Variants in KCTD8 observed in about 807,000 individuals in gnomAD.
KCTD8 encodes the protein potassium channel tetramerization domain containing 8, also known as BTB/POZ domain-containing protein KCTD8.
In KCTD8, 27 loss-of-function variants were observed where a neutral mutation model predicts 31.5. The ratio of observed to expected loss-of-function variants is 0.86; its 90% CI spans 0.63 to 1.18. The LOEUF is 1.18. KCTD8 is among the 50% of genes most tolerant of loss of function. KCTD8 has a pLI of 0.00. For missense variants in KCTD8, 658 were observed against 647.7 expected, an observed-to-expected ratio of 1.02 and a Z score of -0.17; for synonymous variants, 290 against 280.0, an observed-to-expected ratio of 1.04 and a Z score of -0.36.
intron 1 of KCTD8, among the ~76,000 whole-genome samples, chr4:44,334,688 G>A (rs955112197): frequency 2.6e-5 from 4 of 151,666 alleles, no homozygotes; most frequent in Non-Finnish European, 5.9e-5. Flanking sequence ...ACAACAAAAA[G>A]AAAAACCAAG....
chr4:44,404,046 T>C (rs2109458730), intron 1 of KCTD8, among the ~76,000 whole-genome samples: 1 of 152,272 alleles, frequency 6.6e-6, no homozygotes, highest in South Asian at 2.1e-4. Flanking sequence ...ATTCAGCACC[T>C]ACAAAACCGA....
At chr4:44,202,997 C>T (rs1305431324) in intron 1 of KCTD8, among the ~76,000 whole-genome samples, 3 of 152,058 alleles carry the variant, frequency 2.0e-5, no homozygotes, top group Non-Finnish European at 4.4e-5. Context: ...GTACTTTTAA[C>T]AGCTTTTTTC....
chr4:44,222,224 C>T (rs1714827981), intron 1 of KCTD8, among the ~76,000 whole-genome samples: 1 of 152,072 alleles, frequency 6.6e-6, no homozygotes. Context: ...GCTGATGGGA[C>T]AGTGTAGGCA....
At chr4:44,177,597 G>T (rs573678963) in intron 1 of KCTD8, among the ~76,000 whole-genome samples, 1 of 152,250 alleles carries the variant, frequency 6.6e-6, no homozygotes, top group African/African-American at 2.4e-5. Context: ...AGACCTGATG[G>T]TTTTAAAAAG....
chr4:44,237,244 T>C (rs538010361), intron 1 of KCTD8, among the ~76,000 whole-genome samples: 1 of 152,312 alleles, frequency 6.6e-6, no homozygotes, highest in East Asian at 1.9e-4. Context: ...CCTTTTTTTT[T>C]TAATACCTTT....
chr4:44,427,872 C>T (rs1049461489), intron 1 of KCTD8, among the ~76,000 whole-genome samples: 1 of 151,618 alleles, frequency 6.6e-6, no homozygotes, highest in Non-Finnish European at 1.5e-5. Flanking sequence ...ACTGGATTTC[C>T]ACCTTTTAAT....
intron 1 of KCTD8, among the ~76,000 whole-genome samples, chr4:44,282,705 G>C (rs546961256): frequency 6.6e-6 from 1 of 152,136 alleles, no homozygotes; most frequent in East Asian, 1.9e-4. Flanking sequence ...GAAAGAAAAA[G>C]AGCCTTATTT....
intron 1 of KCTD8, among the ~76,000 whole-genome samples, chr4:44,384,941 T>C (rs540577805): frequency 6.6e-6 from 1 of 150,396 alleles, no homozygotes; most frequent in East Asian, 2.0e-4. Context: ...TTAAAAATAA[T>C]AGCAAGAAAA....
intron 1 of KCTD8, among the ~76,000 whole-genome samples, chr4:44,416,952 A>C (rs1389014608): frequency 6.6e-6 from 1 of 152,346 alleles, no homozygotes; most frequent in South Asian, 2.1e-4. Flanking sequence ...AAGGCTTGCT[A>C]TATGTCAGGC....
At chr4:44,269,947 T>G (rs968246939) in intron 1 of KCTD8, among the ~76,000 whole-genome samples, 4 of 152,290 alleles carry the variant, frequency 2.6e-5, no homozygotes, top group Non-Finnish European at 5.9e-5. Flanking sequence ...TTGGTGGGAC[T>G]GTAAACTAGT....
At chr4:44,306,241 T>A (rs1717800504) in intron 1 of KCTD8, among the ~76,000 whole-genome samples, 1 of 151,872 alleles carries the variant, frequency 6.6e-6, no homozygotes, top group South Asian at 2.1e-4. Flanking sequence ...AAGAGATAAA[T>A]AAATTGATGA....
intron 1 of KCTD8, among the ~76,000 whole-genome samples, chr4:44,218,964 T>C (rs886881576): frequency 2.6e-5 from 4 of 152,218 alleles, no homozygotes; most frequent in South Asian, 2.1e-4. Context: ...CAAAGCACAT[T>C]GTTCACATGT....
At chr4:44,331,548 C>T (rs542731496) in intron 1 of KCTD8, among the ~76,000 whole-genome samples, 2 of 151,636 alleles carry the variant, frequency 1.3e-5, no homozygotes, top group South Asian at 2.1e-4. Context: ...GAATGTGACA[C>T]ACATGAATTA....
At chr4:44,371,158 G>GTGA (rs2109436415) in intron 1 of KCTD8, among the ~76,000 whole-genome samples, 1 of 152,184 alleles carries the variant, frequency 6.6e-6, no homozygotes, top group African/African-American at 2.4e-5. Context: ...AGCAGATAAG[G>GTGA]TGATTTTGCC....
rs941959479 is a variant in KCTD8, at chr4:44,235,147, T to C, written c.962-59897A>G. ...GATGATGATTATACACTAGTAATAG[T>C]AGAAAAATAAGCACTTATATTTCAG... On this transcript the variant is annotated intron_variant, in intron 1 of 1. Transcript: ENST00000360029. 6.0e-5 allele frequency among the ~76,000 whole-genome samples: 9 copies of C among 150,566 alleles called. No individual in the cohort carries two copies. The East Asian group carries it at 1.6e-3, about 26-fold the overall frequency.
At chr4:44,222,427 T>C (rs1432940971) in intron 1 of KCTD8, among the ~76,000 whole-genome samples, 2 of 152,060 alleles carry the variant, frequency 1.3e-5, no homozygotes, top group Admixed American at 6.6e-5. Flanking sequence ...TGTGCAGGAG[T>C]AGCTAGCACC....
chr4:44,304,626 C>T (rs1717746096), intron 1 of KCTD8, among the ~76,000 whole-genome samples: 1 of 152,034 alleles, frequency 6.6e-6, no homozygotes, highest in Non-Finnish European at 1.5e-5. Context: ...TATACCTTCC[C>T]ACTATTATGT....
chr4:44,237,283 C>T (rs896747874), intron 1 of KCTD8, among the ~76,000 whole-genome samples: 4 of 152,030 alleles, frequency 2.6e-5, no homozygotes, highest in Admixed American at 6.6e-5. Context: ...GGAGGAATGA[C>T]ATCTGACTGG....
chr4:44,197,880 G>C (rs1713993823), intron 1 of KCTD8, among the ~76,000 whole-genome samples: 1 of 152,174 alleles, frequency 6.6e-6, no homozygotes, highest in Non-Finnish European at 1.5e-5. Context: ...TCACAAGCCA[G>C]GAGGTGAAAC....
Sources: allele counts gnomAD v4.1 joint callset (sites outside exome capture counted in the v4.1 genomes callset), GRCh38; gene constraint gnomAD v4.1.1; transcripts MANE v1.5; gene names NCBI Gene and HGNC (gene_info 2026-07-23, HGNC 2026-07-21).